Variants in RANBP17 observed in about 807,000 individuals in gnomAD.
RANBP17 encodes RAN binding protein 17.
Under a neutral mutation model 141.2 loss-of-function variants are expected in RANBP17, and 158 were observed. The observed-to-expected ratio is 1.12, with a 90% confidence interval of 0.98 to 1.28. The LOEUF (loss-of-function observed/expected upper bound fraction) is 1.28. RANBP17 is among the 50% of genes most tolerant of loss of function. The probability of loss-of-function intolerance (pLI) is 0.00; values close to 1 mark genes in which losing one functional copy is unlikely to be tolerated. For missense variants in RANBP17, 1,438 were observed against 1,290.7 expected (o/e 1.11, Z -1.75); for synonymous variants, 430 against 450.0 (o/e 0.96, Z 0.56).
intron 14 of RANBP17, among the ~76,000 whole-genome samples, chr5:171,166,419 A>C (rs1275454781): frequency 6.7e-6 from 1 of 148,280 alleles, no homozygotes; most frequent in Middle Eastern, 3.5e-3. Flanking sequence ...CTGTGGACTG[A>C]AAGTGAGTTT....
intron 14 of RANBP17, among the ~76,000 whole-genome samples, chr5:170,978,141 A>G (rs1777519852): frequency 6.6e-6 from 1 of 152,152 alleles, no homozygotes; most frequent in South Asian, 2.1e-4. Context: ...AGAAATACTA[A>G]TTAATACCTA....
intron 15 of RANBP17, among the ~76,000 whole-genome samples, chr5:171,170,701 T>C (rs1760038292): frequency 6.6e-6 from 1 of 152,140 alleles, no homozygotes; most frequent in South Asian, 2.1e-4. Context: ...CATAACTTTG[T>C]ACACGTAGCC....
intron 14 of RANBP17, among the ~76,000 whole-genome samples, chr5:171,111,969 A>T (rs1188313722): frequency 2.0e-5 from 3 of 152,208 alleles, no homozygotes; most frequent in Non-Finnish European, 2.9e-5. Context: ...AGTAAACTTG[A>T]TGGAAAAATA....
Position 171,094,338 on chromosome 5 carries a change from T to G in RANBP17, c.1711-75792T>G, listed in dbSNP as rs75198189. On this transcript the variant is annotated intron_variant, in intron 14 of 27. Coordinates refer to ENST00000523189, the MANE Select transcript of RANBP17 (RefSeq NM_022897.5). ...CTCAACTCTAAGAGTACATTTTCTT[T>G]AGTAAAAATAAGGCCAATACTATTT... Among the ~76,000 whole-genome samples the G allele has an allele frequency of 2.5e-3, 381 of 152,246 alleles. 2 individuals are homozygous for G. The highest frequency in any genetic ancestry group is 8.8e-3 in the African/African-American group (365 of 41,566).
chr5:171,290,570 G>A (rs1436002638), intron 25 of RANBP17, among the ~76,000 whole-genome samples: 6 of 152,126 alleles, frequency 3.9e-5, no homozygotes, highest in Non-Finnish European at 5.9e-5. Context: ...GAGTAATTTT[G>A]TGTTTTATTT....
At chr5:170,994,163 A>C (rs1333891497) in intron 14 of RANBP17, among the ~76,000 whole-genome samples, 1 of 152,008 alleles carries the variant, frequency 6.6e-6, no homozygotes, top group African/African-American at 2.4e-5. Context: ...ATAGAAATTG[A>C]TGACTTGCCT....
At chr5:171,221,691 G>A in intron 21 of RANBP17, 67 bp from the exon 22 acceptor site, 1 of 852,326 alleles carries the variant, frequency 1.2e-6, no homozygotes, top group South Asian at 1.4e-5. Context: ...GAAAATCCTA[G>A]GCATTTTAAA....
chr5:171,077,688 C>T lies in RANBP17; in HGVS notation c.1711-92442C>T, dbSNP rs143623726. ...AATACACATTTCTCTCTGCATTTTG[C>T]ATTTTGTGCTGTATTACTTTTTTAA... On this transcript the variant is annotated intron_variant, in intron 14 of 27. Coordinates refer to ENST00000523189, the MANE Select transcript of RANBP17 (RefSeq NM_022897.5). Among the ~76,000 whole-genome samples the T allele has an allele frequency of 5.4e-3, 818 of 152,294 alleles. 12 individuals carry two copies. The highest frequency in any genetic ancestry group is 0.019 in the African/African-American group (791 of 41,562).
chr5:170,877,672 T>C (rs1030778607), intron 1 of RANBP17, among the ~76,000 whole-genome samples: 1 of 152,212 alleles, frequency 6.6e-6, no homozygotes, highest in African/African-American at 2.4e-5. Context: ...TTGCTGTGTT[T>C]ATCAGCCGCA....
chr5:171,098,996 T>C (rs1581631792), intron 14 of RANBP17, among the ~76,000 whole-genome samples: 1 of 152,212 alleles, frequency 6.6e-6, no homozygotes, highest in Non-Finnish European at 1.5e-5. Context: ...ACCAGTACCA[T>C]CCTGTTTTGG....
intron 13 of RANBP17, among the ~76,000 whole-genome samples, chr5:170,966,784 TC>T (rs1459087655): frequency 2.0e-5 from 3 of 151,962 alleles, no homozygotes; most frequent in African/African-American, 7.3e-5. Flanking sequence ...TGATTGTATA[TC>T]TAGAAAACCC....
chr5:170,962,440 A>G (rs940821277), intron 13 of RANBP17, among the ~76,000 whole-genome samples: 19 of 152,244 alleles, frequency 1.2e-4, no homozygotes, highest in African/African-American at 4.6e-4. Context: ...TAAACAAGAG[A>G]AAGTGCATAA....
At chr5:171,205,738 A>G (rs1762543033) in intron 20 of RANBP17, 126 bp downstream of exon 20, 1 of 771,664 alleles carries the variant, frequency 1.3e-6, no homozygotes, top group Admixed American at 2.0e-5. Context: ...ATGTGTAATC[A>G]GCTAAAAATT....
chr5:171,051,277 T>G (rs1782933689), intron 14 of RANBP17, among the ~76,000 whole-genome samples: 1 of 152,178 alleles, frequency 6.6e-6, no homozygotes, highest in Admixed American at 6.5e-5. Flanking sequence ...ATATTGAGTG[T>G]TTTTGAATAT....
intron 12 of RANBP17, among the ~76,000 whole-genome samples, chr5:170,930,094 T>C (rs1476034236): frequency 2.0e-5 from 3 of 152,150 alleles, no homozygotes; most frequent in Admixed American, 6.5e-5. Context: ...TTTGTTGATC[T>C]TTTTAGAGAA....
intron 27 of RANBP17, 55 bp from the exon 28 acceptor site, chr5:171,298,706 AT>A: frequency 7.0e-7 from 1 of 1,419,552 alleles, no homozygotes; most frequent in Non-Finnish European, 9.9e-7. Context: ...TCGTCCAGAA[AT>A]TCATGGAGGC....
chr5:171,169,652 G>A (rs1302026660), intron 14 of RANBP17, among the ~76,000 whole-genome samples: 2 of 151,476 alleles, frequency 1.3e-5, no homozygotes, highest in East Asian at 3.9e-4. Flanking sequence ...ATTTCTATAA[G>A]TTAACTTCCT....
intron 13 of RANBP17, among the ~76,000 whole-genome samples, chr5:170,955,815 C>A (rs1295144046): frequency 7.1e-6 from 1 of 140,132 alleles, no homozygotes; most frequent in Non-Finnish European, 1.5e-5. Context: ...ACCTAAAATT[C>A]CTGTATATAT....
At chr5:171,080,863 G>A (rs934855150) in intron 14 of RANBP17, among the ~76,000 whole-genome samples, 1 of 152,098 alleles carries the variant, frequency 6.6e-6, no homozygotes, top group Non-Finnish European at 1.5e-5. Flanking sequence ...GCCTTTTGGG[G>A]CATTTTTGTA....
Sources: allele counts gnomAD v4.1 joint callset (sites outside exome capture counted in the v4.1 genomes callset), GRCh38; gene constraint gnomAD v4.1.1; transcripts MANE v1.5; gene names NCBI Gene and HGNC (gene_info 2026-07-23, HGNC 2026-07-21).